IL7: variants seen among roughly 807,000 people sequenced by gnomAD.
The protein encoded by IL7 is interleukin 7, also known as interleukin-7.
IL7 carries 3 observed loss-of-function variants against 21.6 expected under a neutral mutation model. The observed-to-expected ratio is 0.14, with a 90% CI of 0.06 to 0.36. The LOEUF is 0.36. Among genes scored for constraint, IL7 ranks in the 10% least tolerant of loss-of-function variants. IL7 has a pLI of 1.00. For synonymous variants in IL7, 62 were observed against 68.1 expected, an observed-to-expected ratio of 0.91 and a Z score of 0.44; for missense variants, 175 against 200.2, an observed-to-expected ratio of 0.87 and a Z score of 0.76.
At chr8:78,744,564 A>G (rs187170017) in intron 2 of IL7, among the ~76,000 whole-genome samples, 1 of 152,120 alleles carries the variant, frequency 6.6e-6, no homozygotes, top group African/African-American at 2.4e-5. Flanking sequence ...AATGTGTCTT[A>G]TCCTTTGAGG....
intron 2 of IL7, among the ~76,000 whole-genome samples, chr8:78,768,101 C>T (rs1355708776): frequency 6.6e-6 from 1 of 152,214 alleles, no homozygotes; most frequent in African/African-American, 2.4e-5. Flanking sequence ...GACATGAACT[C>T]ATCCTTTTGT....
chr8:78,769,529 A>G (rs1378592067), intron 2 of IL7, among the ~76,000 whole-genome samples: 1 of 152,204 alleles, frequency 6.6e-6, no homozygotes, highest in Non-Finnish European at 1.5e-5. Context: ...TCAATGAAAT[A>G]AAAGAGGATA....
At chr8:78,737,857 C>T (rs1811647375) in intron 4 of IL7, among the ~76,000 whole-genome samples, 1 of 152,000 alleles carries the variant, frequency 6.6e-6, no homozygotes, top group South Asian at 2.1e-4. Context: ...CTTTTTAGTA[C>T]TAAGCACTTT....
chr8:78,767,839 T>C (rs1209579422), intron 2 of IL7, among the ~76,000 whole-genome samples: 1 of 152,262 alleles, frequency 6.6e-6, no homozygotes, highest in South Asian at 2.1e-4. Context: ...GTTACATAAG[T>C]ATACATGTGC....
chr8:78,735,288 T>G (rs1408290532), intron 5 of IL7, among the ~76,000 whole-genome samples: 1 of 123,238 alleles, frequency 8.1e-6, no homozygotes, highest in Non-Finnish European at 1.7e-5. Flanking sequence ...TTTTTTTTTT[T>G]TTTTGTTTTT....
downstream of IL7, among the ~76,000 whole-genome samples, chr8:78,713,016 G>T (rs1304546792): frequency 6.6e-6 from 1 of 152,126 alleles, no homozygotes; most frequent in Non-Finnish European, 1.5e-5. Context: ...AAGAGTTTGT[G>T]CTGTGAGCCG....
At chr8:78,804,812 C>T (rs1267453959) in intron 1 of IL7, 101 bp downstream of exon 1, 2 of 1,363,808 alleles carry the variant, frequency 1.5e-6, no homozygotes, top group Non-Finnish European at 2.1e-6. Context: ...CAAGGCCGGG[C>T]TATTCCCGGA....
chr8:78,767,423 T>G (rs749670070), intron 2 of IL7, among the ~76,000 whole-genome samples: 34 of 152,058 alleles, frequency 2.2e-4, no homozygotes, highest in African/African-American at 5.6e-4. Flanking sequence ...GTGACTACAT[T>G]GTATTTTCCT....
chr8:78,679,274 T>C (rs1159354441), intron 4 of IL7: 1 of 152,166 alleles, frequency 6.6e-6, no homozygotes, highest in Non-Finnish European at 1.5e-5. Flanking sequence ...ATATCTGTTA[T>C]ATATTATAGT....
At chr8:78,766,778 G>A (rs1271912670) in intron 2 of IL7, among the ~76,000 whole-genome samples, 1 of 152,100 alleles carries the variant, frequency 6.6e-6, no homozygotes, top group Non-Finnish European at 1.5e-5. Flanking sequence ...ATGTGTATCT[G>A]TATGTGTTTG....
chr8:78,768,248 TATAGCAGCA>T (rs1812826097), intron 2 of IL7, among the ~76,000 whole-genome samples: 1 of 152,166 alleles, frequency 6.6e-6, no homozygotes, highest in African/African-American at 2.4e-5. Context: ...CATGTGTCTT[TATAGCAGCA>T]TGATTTATAG....
chr8:78,796,682 GGAAAA>G (rs2130841864), intron 2 of IL7, among the ~76,000 whole-genome samples: 1 of 152,020 alleles, frequency 6.6e-6, no homozygotes, highest in Non-Finnish European at 1.5e-5. Flanking sequence ...ATTATGGAAT[GGAAAA>G]TTGAAACAAC....
chr8:78,732,356 A>C (rs1398425576), downstream of IL7, among the ~76,000 whole-genome samples: 1 of 152,126 alleles, frequency 6.6e-6, no homozygotes, highest in Non-Finnish European at 1.5e-5. Flanking sequence ...CATATGGGTC[A>C]AGGAAAGTGA....
Position 78,797,552 on chromosome 8 carries a change from A to C in IL7, c.147+520T>G, listed in dbSNP as rs548396533. Reference sequence around the variant, plus strand: ...TAGAAACCTAAGTTGGCTCTAAGGTATAAAATCTATTAATTAGAAAAGCTT... The same window carrying C: ...TAGAAACCTAAGTTGGCTCTAAGGTCTAAAATCTATTAATTAGAAAAGCTT... On this transcript the variant is annotated intron_variant, in intron 2 of 5. Coordinates refer to ENST00000263851, the MANE Select transcript of IL7 (RefSeq NM_000880.4). Among the ~76,000 whole-genome samples the C allele has an allele frequency of 1.1e-4, 16 of 152,122 alleles. 1 individual carries two copies. The South Asian group carries it at 2.3e-3, about 22-fold the overall frequency.
intron 1 of IL7, among the ~76,000 whole-genome samples, chr8:78,799,768 G>T (rs1339813788): frequency 6.6e-6 from 1 of 152,022 alleles, no homozygotes; most frequent in African/African-American, 2.4e-5. Flanking sequence ...ACCAGGATTC[G>T]ATTAGAAATG....
In IL7 at chr8:78,765,911, TGGAA is replaced by T. The variant is rs1398734441; in HGVS notation, c.148-25833_148-25830del. Among the ~76,000 whole-genome samples, 11 of 152,248 alleles carry T rather than the reference TGGAA, an allele frequency of 7.2e-5. No individual in the cohort carries two copies. The South Asian group carries it at 8.3e-4, about 11-fold the overall frequency. ...AGCTTTATTCATAATGACCAAAACT[TGGAA>T]GGAATGAATATGTCCTTCAGTAGGT... On this transcript the variant is annotated intron_variant, in intron 2 of 5. Coordinates refer to ENST00000263851, the MANE Select transcript of IL7 (RefSeq NM_000880.4).
chr8:78,678,914 T>G, intron 4 of IL7: 1 of 259,378 alleles, frequency 3.9e-6, no homozygotes, highest in East Asian at 7.0e-5. Context: ...AAGGTGCTGT[T>G]TCAAACTCCA....
At chr8:78,777,651 C>T (rs1813176618) in intron 2 of IL7, among the ~76,000 whole-genome samples, 1 of 152,024 alleles carries the variant, frequency 6.6e-6, no homozygotes, top group African/African-American at 2.4e-5. Flanking sequence ...ATGACAATAT[C>T]ATCAATCACA....
downstream of IL7, chr8:78,717,625 G>A: frequency 3.9e-6 from 4 of 1,019,344 alleles, no homozygotes; most frequent in South Asian, 1.8e-5. Flanking sequence ...ATTTTGAAGT[G>A]TAATCTTTTG....
Sources: allele counts gnomAD v4.1 joint callset (sites outside exome capture counted in the v4.1 genomes callset), GRCh38; gene constraint gnomAD v4.1.1; transcripts MANE v1.5; gene names NCBI Gene and HGNC (gene_info 2026-07-23, HGNC 2026-07-21).